The following POC5 variants were observed in gnomAD, a reference collection of about 807,000 sequenced individuals.
POC5 encodes POC5 centriolar protein.
Under a neutral mutation model 62.9 loss-of-function variants are expected in POC5, and 48 were observed. The observed-to-expected ratio is 0.76, with a 90% CI of 0.61 to 0.97. The LOEUF is 0.97. POC5 is among the 50% of genes least tolerant of loss of function. POC5 has a pLI of 0.00. For synonymous variants in POC5, 236 were observed against 228.2 expected (o/e 1.03, Z -0.31); for missense variants, 696 against 679.5 (o/e 1.02, Z -0.27).
At chr5:75,680,971 A>C (rs1261144492) in intron 10 of POC5, among the ~76,000 whole-genome samples, 6 of 152,174 alleles carry the variant, frequency 3.9e-5, no homozygotes. Flanking sequence ...ACTGGTACCA[A>C]TCATGTTGGA....
At chr5:75,696,374 G>T (rs1776587251) in intron 5 of POC5, among the ~76,000 whole-genome samples, 1 of 152,206 alleles carries the variant, frequency 6.6e-6, no homozygotes, top group Non-Finnish European at 1.5e-5. Context: ...CTGAGAACGG[G>T]CAGCCTGCCT....
rs958976138 is a variant in POC5, at chr5:75,674,178, A to G, written c.*257T>C. The G allele has an allele frequency of 3.8e-6, 1 of 262,034 alleles. No homozygotes were observed. Among genetic ancestry groups the G allele is most frequent in the Admixed American group, 4.7e-5 (1 of 21,110 alleles). The allele number at this position is 262,034 out of a possible 1,614,324, so 16.2% of individuals were successfully genotyped here. ...CTGTAATCAGCAACAGGCTAAACAT[A>G]TTAAAGAAATAAAGTCCAGTTTCTT... On this transcript the variant is annotated 3_prime_UTR_variant, in exon 12 of 12. Coordinates refer to ENST00000428202, the MANE Select transcript of POC5 (RefSeq NM_001099271.2).
chr5:75,685,541 T>C, intron 9 of POC5, 57 bp from the exon 10 acceptor site: 1 of 1,519,422 alleles, frequency 6.6e-7, no homozygotes, highest in Non-Finnish European at 8.9e-7. Context: ...TACTATTATC[T>C]TCCAAACAAT....
At chr5:75,703,706 C>A (rs1776997060) in intron 4 of POC5, among the ~76,000 whole-genome samples, 1 of 152,144 alleles carries the variant, frequency 6.6e-6, no homozygotes, top group Non-Finnish European at 1.5e-5. Flanking sequence ...TGCAGATACT[C>A]TGTTGTTAAG....
chr5:75,715,404 C>A (rs963857847), intron 1 of POC5, among the ~76,000 whole-genome samples: 35 of 151,542 alleles, frequency 2.3e-4, no homozygotes, highest in African/African-American at 8.3e-4. Context: ...TCTGGGGAGG[C>A]CTCAGGAAAC....
intron 10 of POC5, 99 bp downstream of exon 10, chr5:75,685,108 C>T (rs1776044992): frequency 7.9e-7 from 1 of 1,270,286 alleles, no homozygotes; most frequent in Non-Finnish European, 1.1e-6. Flanking sequence ...ACCTCGTGAT[C>T]CACCTGCCTC....
chr5:75,680,269 T>C (rs1384381586), intron 10 of POC5, among the ~76,000 whole-genome samples: 3 of 152,148 alleles, frequency 2.0e-5, no homozygotes. Flanking sequence ...TTGAGGGGTG[T>C]CCTCTCAGTA....
chr5:75,695,842 A>C (rs1364782674), intron 5 of POC5, among the ~76,000 whole-genome samples: 3 of 152,136 alleles, frequency 2.0e-5, no homozygotes, highest in Non-Finnish European at 4.4e-5. Context: ...TGGGCGCAGG[A>C]CAGTGGGTGC....
At chr5:75,712,576 C>CAAA (rs763668776) in intron 2 of POC5, 2 of 961,362 alleles carry the variant, frequency 2.1e-6, no homozygotes, top group African/African-American at 3.3e-5. Context: ...AAAATTTAAA[C>CAAA]AAAAAAATGT....
chr5:75,707,277 A>G (rs1777161695), intron 3 of POC5, among the ~76,000 whole-genome samples: 1 of 152,210 alleles, frequency 6.6e-6, no homozygotes, highest in African/African-American at 2.4e-5. Flanking sequence ...AGATGGGTTC[A>G]CCTTGTGATA....
At position 75,702,708 on chromosome 5, in the gene POC5, C is replaced by T. The variant is rs1412455658; in HGVS notation, c.410G>A (p.Ser137Asn). The T allele has an allele frequency of 1.9e-6, 3 of 1,609,978 alleles. No individual in the cohort carries two copies. Among genetic ancestry groups the T allele is most frequent in the Non-Finnish European group, 2.5e-6 (3 of 1,178,058 alleles). ...AAGTATTTCATGGGCATCTGTATGA[C>T]TAGAATTTGTTGCTGGTGAGGAAGA... ...ADSSSPATNS[S>N]HTDAHEILVS... The change falls in exon 5 of 12, where the codon AGT becomes AAT. Residue 137 changes from serine (S) to asparagine (N), a missense_variant. Physicochemically the swap from Ser to Asn is conservative, Grantham distance 46 (BLOSUM62 1). Coordinates refer to ENST00000428202, the MANE Select transcript of POC5 (RefSeq NM_001099271.2).
chr5:75,700,947 C>T (rs985638059), intron 5 of POC5, among the ~76,000 whole-genome samples: 1 of 135,604 alleles, frequency 7.4e-6, no homozygotes, highest in African/African-American at 2.6e-5. Context: ...GACATTTATG[C>T]AGCCAAAAAA....
chr5:75,695,660 C>CA (rs1049935180), intron 5 of POC5, among the ~76,000 whole-genome samples: 65 of 150,164 alleles, frequency 4.3e-4, no homozygotes, highest in Middle Eastern at 6.8e-3. Context: ...TTAATAATAG[C>CA]AAAAAAAACA....
intron 5 of POC5, among the ~76,000 whole-genome samples, chr5:75,698,450 C>T (rs1370373008): frequency 6.6e-6 from 1 of 152,062 alleles, no homozygotes. Context: ...AACTGAACAA[C>T]CTGCTCCTGA....
chr5:75,708,255 G>C (rs1777204720), intron 2 of POC5, among the ~76,000 whole-genome samples: 1 of 152,142 alleles, frequency 6.6e-6, no homozygotes, highest in African/African-American at 2.4e-5. Context: ...GCTGAGGCAG[G>C]AGGACCACTT....
At position 75,708,989 on chromosome 5, in the gene POC5, C is replaced by A. The variant is rs186443285; in HGVS notation, c.85-1114G>T. 2.7e-3 allele frequency among the ~76,000 whole-genome samples: 416 copies of A among 152,210 alleles called. 2 individuals are homozygous for A. Among genetic ancestry groups the A allele is most frequent in the Non-Finnish European group, 3.6e-3 (248 of 68,018 alleles). On this transcript the variant is annotated intron_variant, in intron 2 of 11. Coordinates refer to ENST00000428202, the MANE Select transcript of POC5 (RefSeq NM_001099271.2). ...CTGGAATTACAGGTTTGTACCACCA[C>A]GCCCACCTAATTTTTGTACTTTTAG...
intron 9 of POC5, among the ~76,000 whole-genome samples, chr5:75,685,994 A>G (rs1000166954): frequency 1.3e-4 from 20 of 152,214 alleles, no homozygotes; most frequent in African/African-American, 4.3e-4. Flanking sequence ...TCGTCAGAAA[A>G]CAAAAATAAA....
Position 75,712,950 on chromosome 5 carries a change from C to G in POC5, c.-13G>C. The G allele has an allele frequency of 7.5e-6, 12 of 1,595,810 alleles. No individual in the cohort carries two copies. The highest frequency in any genetic ancestry group is 1.0e-5 in the Non-Finnish European group (12 of 1,171,206). On this transcript the variant is annotated splice_region_variant and 5_prime_UTR_variant, in exon 2 of 12. Coordinates refer to ENST00000428202, the MANE Select transcript of POC5 (RefSeq NM_001099271.2). Reference sequence around the variant, plus strand: ...CATCTGATGACATTCTGCACAAATGCTCTAAAACAGTAGAAGCTAACTTTA... The same window carrying G: ...CATCTGATGACATTCTGCACAAATGGTCTAAAACAGTAGAAGCTAACTTTA...
At chr5:75,680,145 A>G (rs1775815621) in intron 10 of POC5, among the ~76,000 whole-genome samples, 1 of 152,190 alleles carries the variant, frequency 6.6e-6, no homozygotes, top group Non-Finnish European at 1.5e-5. Context: ...AAACTCCTGA[A>G]GATGCTTAAA....
Sources: allele counts gnomAD v4.1 joint callset (sites outside exome capture counted in the v4.1 genomes callset), GRCh38; gene constraint gnomAD v4.1.1; transcripts MANE v1.5; gene names NCBI Gene and HGNC (gene_info 2026-07-23, HGNC 2026-07-21).